The following RNF215 variants were observed in gnomAD, a reference collection of about 807,000 sequenced individuals.
RNF215 encodes ring finger protein 215.
RNF215 carries 41 observed loss-of-function variants against 44.8 expected under a neutral mutation model. The observed-to-expected ratio is 0.92, with a 90% confidence interval of 0.71 to 1.19. RNF215 has a LOEUF of 1.19. Among genes scored for constraint, RNF215 ranks in the 50% most tolerant of loss-of-function variants. The pLI, the probability that RNF215 is intolerant of heterozygous loss-of-function variation, is 0.00. For missense variants in RNF215, 452 were observed against 496.2 expected (o/e 0.91, Z 0.85); for synonymous variants, 218 against 230.1 (o/e 0.95, Z 0.48).
At chr22:30,379,970 A>G (rs2145981766) in intron 7 of RNF215, 92 bp downstream of exon 7, 1 of 1,575,298 alleles carries the variant, frequency 6.3e-7, no homozygotes, top group East Asian at 2.3e-5. Flanking sequence ...GCTGAAGGAG[A>G]AGGGCCTGGT....
chr22:30,387,080 C>T lies in RNF215; in HGVS notation c.234G>A (p.Arg78=). 6.5e-7 allele frequency: 1 copy of T among 1,540,440 alleles called. No individual in the cohort carries two copies. Among genetic ancestry groups the T allele is most frequent in the Non-Finnish European group, 8.7e-7 (1 of 1,149,134 alleles). The change falls in exon 1 of 9, where the codon AGG becomes AGA. Residue 78 remains arginine (R), a synonymous_variant. Coordinates refer to ENST00000382363, the MANE Select transcript of RNF215 (RefSeq NM_001017981.2). ...RQDALVLEGV[R]IGSEADPAPL... ...GCGCCGGGTCGGCTTCGGAGCCGAT[C>T]CTGACGCCCTCCAGGACCAGAGCGT...
At chr22:30,384,282 G>A in intron 5 of RNF215, 57 bp downstream of exon 5, 2 of 1,551,806 alleles carry the variant, frequency 1.3e-6, no homozygotes, top group Middle Eastern at 1.7e-4. Flanking sequence ...ACAAAGCCAT[G>A]TATATGGCCC....
At chr22:30,383,770 C>T (rs756790135) in intron 5 of RNF215, among the ~76,000 whole-genome samples, 3 of 152,162 alleles carry the variant, frequency 2.0e-5, no homozygotes, top group Non-Finnish European at 4.4e-5. Context: ...CCATGGACGG[C>T]CTGACCACGC....
Position 30,380,766 on chromosome 22 carries a change from C to T in RNF215, c.745-365G>A, listed in dbSNP as rs1423616621. On this transcript the variant is annotated intron_variant, in intron 5 of 8. Coordinates refer to ENST00000382363, the MANE Select transcript of RNF215 (RefSeq NM_001017981.2). This position sits in a 1 kb window ranked among gnomAD's most constrained non-coding sequence, Gnocchi z 5.3. ...GCACCCAGCCTGGGACCTGCTCACT[C>T]TCCCACCCCCATCCTCCTGCACTTC... Among the ~76,000 whole-genome samples, 1 of 152,128 alleles carries T rather than the reference C, an allele frequency of 6.6e-6. No individual in the cohort carries two copies. The highest frequency in any genetic ancestry group is 1.5e-5 in the Non-Finnish European group (1 of 68,018).
At chr22:30,381,421 A>G (rs532878311) in intron 5 of RNF215, among the ~76,000 whole-genome samples, 35 of 152,228 alleles carry the variant, frequency 2.3e-4, no homozygotes, top group Non-Finnish European at 4.1e-4. Flanking sequence ...GGGAACCACA[A>G]TGATCTTGAC....
intron 5 of RNF215, among the ~76,000 whole-genome samples, chr22:30,383,320 A>C (rs1252758224): frequency 1.3e-5 from 2 of 152,070 alleles, no homozygotes; most frequent in Non-Finnish European, 2.9e-5. Flanking sequence ...AGCCAGACCC[A>C]CCTGCAGACT....
chr22:30,382,335 C>T (rs940172263), intron 5 of RNF215, among the ~76,000 whole-genome samples: 8 of 148,098 alleles, frequency 5.4e-5, no homozygotes, highest in African/African-American at 2.0e-4. Flanking sequence ...ACCTGGGAGG[C>T]GGAGGCTGTG....
At chr22:30,385,448 A>G (rs1319784554) in intron 4 of RNF215, among the ~76,000 whole-genome samples, 1 of 147,450 alleles carries the variant, frequency 6.8e-6, no homozygotes, top group Non-Finnish European at 1.5e-5. Flanking sequence ...AAAAGTTAAC[A>G]GTTAGGCCGG....
intron 1 of RNF215, 53 bp downstream of exon 1, chr22:30,386,976 G>C: frequency 6.5e-7 from 1 of 1,529,090 alleles, no homozygotes; most frequent in Non-Finnish European, 8.7e-7. Context: ...GGTCTCTAGG[G>C]AGGGTTGAGA....
chr22:30,379,889 C>T lies in RNF215; in HGVS notation c.1009-76G>A, dbSNP rs1933499735. 1.1e-5 allele frequency: 16 copies of T among 1,508,538 alleles called. 1 individual carries two copies. The highest frequency in any genetic ancestry group is 6.9e-5 in the South Asian group (6 of 87,126). The allele number at this position is 1,508,538 out of a possible 1,614,324, so 93.4% of individuals were successfully genotyped here. A position where few individuals can be genotyped will look rare whatever the true frequency, so the allele number is the denominator to read the frequency against. The stretch of plus-strand genomic sequence containing the variant: ...TGGGGGTGCCTGGTCCCATGCCCCT[C>T]GCCTCAGCTGGGGAACTGAAACCTC... On this transcript the variant is annotated intron_variant, in intron 7 of 8. Transcript: ENST00000382363.
At chr22:30,381,209 T>C (rs2087560873) in intron 5 of RNF215, among the ~76,000 whole-genome samples, 2 of 152,178 alleles carry the variant, frequency 1.3e-5, no homozygotes, top group Admixed American at 1.3e-4. Context: ...ACACCCGCTC[T>C]ACCCAGCGTT....
chr22:30,380,370 A>C lies in RNF215; in HGVS notation c.776T>G (p.Leu259Arg). ...KPLQQLWNAI[L>R]LVAMLLCTGL... ...TGTGCACAGGAGCATGGCCACCAGC[A>C]GGATGGCGTTCCACAGCTGCTGCAG... The change falls in exon 6 of 9, where the codon CTG becomes CGG. Residue 259 changes from leucine to arginine, a missense_variant. Coordinates refer to ENST00000382363, the MANE Select transcript of RNF215 (RefSeq NM_001017981.2). The surrounding 1 kb of genome is among the most constrained non-coding windows in gnomAD (Gnocchi z 5.3). 1 of 1,609,348 alleles carries C rather than the reference A, an allele frequency of 6.2e-7. No individual in the cohort carries two copies. The highest frequency in any genetic ancestry group is 8.5e-7 in the Non-Finnish European group (1 of 1,177,176).
rs1283353593 is a variant in RNF215 at position 30,384,328 on chromosome 22, C to T, written c.744+11G>A. The T allele has an allele frequency of 2.5e-6, 4 of 1,611,534 alleles. No individual in the cohort carries two copies. The highest frequency in any genetic ancestry group is 1.7e-5 in the Admixed American group (1 of 59,934). On this transcript the variant is annotated intron_variant, in intron 5 of 8. Transcript: ENST00000382363. The stretch of plus-strand genomic sequence containing the variant: ...CTTTCCCTAGGCCCCATGTAATCTG[C>T]TAGCACCCACCTGCTCCTGGGCACG...
chr22:30,379,956 G>A (rs1601756879), intron 7 of RNF215, 106 bp downstream of exon 7: 1 of 1,557,740 alleles, frequency 6.4e-7, no homozygotes, highest in Non-Finnish European at 8.8e-7. Context: ...CTGTGGCCCT[G>A]GGGGCTGAAG....
In RNF215 at chr22:30,384,456, G is replaced by A; in HGVS notation, c.627C>T (p.Ser209=). 1 of 1,614,050 alleles carries A rather than the reference G, an allele frequency of 6.2e-7. No individual in the cohort carries two copies. The highest frequency in any genetic ancestry group is 8.5e-7 in the Non-Finnish European group (1 of 1,180,004). ...QATAEITSGE[S]LSANIEWKLT... is the part of the protein sequence containing the mutation. Reference sequence around the variant, plus strand: ...ACTTCCACTCGATATTGGCAGACAGGGACTCTCCGCTGGTGATCTCAGCCG... The same window carrying A: ...ACTTCCACTCGATATTGGCAGACAGAGACTCTCCGCTGGTGATCTCAGCCG... The change falls in exon 5 of 9, where the codon TCC becomes TCT. Residue 209 remains serine, a synonymous_variant. Transcript: ENST00000382363.
chr22:30,386,682 C>A lies in RNF215; in HGVS notation c.363G>T (p.Ala121=). The A allele has an allele frequency of 6.2e-7, 1 of 1,612,822 alleles. No homozygotes were observed. The highest frequency in any genetic ancestry group is 8.5e-7 in the Non-Finnish European group (1 of 1,180,000). ...CCTTATTCTCCTGGTGGAACTGGGCCGCCTGCTCCTTGCCCACGTATGCCA... is the reference window on the plus strand; with the variant it reads ...CCTTATTCTCCTGGTGGAACTGGGCAGCCTGCTCCTTGCCCACGTATGCCA... ...IAVAYVGKEQ[A]AQFHQENKGS... is the part of the protein sequence containing the mutation. Residue 121 remains alanine, a synonymous_variant, in exon 2 of 9, where the codon GCG becomes GCT. Coordinates refer to ENST00000382363, the MANE Select transcript of RNF215 (RefSeq NM_001017981.2).
intron 5 of RNF215, among the ~76,000 whole-genome samples, chr22:30,382,404 C>CA (rs796940204): frequency 0.011 from 732 of 65,546 alleles, 3 homozygotes; most frequent in Middle Eastern, 0.048. Flanking sequence ...AACTCTGTCT[C>CA]AAAAAAAAAA....
rs775158484 is a variant in RNF215, at chr22:30,380,298, C to G, written c.848G>C (p.Arg283Pro). The G allele has an allele frequency of 8.7e-6, 14 of 1,610,910 alleles. No individual in the cohort carries two copies. The highest frequency in any genetic ancestry group is 1.2e-5 in the Non-Finnish European group (14 of 1,178,478). ...GGCTCCCACCTGGCCTCCGAGCTCC[C>G]GCTGGCTCTGCCGCGACGCCTGCCG... Reference protein sequence around the residue: ...AQRQASRQSQRELGGQVDLFK... With the variant: ...AQRQASRQSQPELGGQVDLFK... Residue 283 changes from arginine to proline, a missense_variant, in exon 6 of 9, where the codon CGG becomes CCG. Transcript: ENST00000382363. This position sits in a 1 kb window ranked among gnomAD's most constrained non-coding sequence, Gnocchi z 5.3.
At chr22:30,379,990 T>G (rs1933501730) in intron 7 of RNF215, 72 bp downstream of exon 7, 10 of 1,596,626 alleles carry the variant, frequency 6.3e-6, no homozygotes, top group Non-Finnish European at 8.6e-6. Context: ...TGGTGGTGGT[T>G]CCAAGGTCCC....
Sources: allele counts gnomAD v4.1 joint callset (sites outside exome capture counted in the v4.1 genomes callset), GRCh38; gene constraint gnomAD v4.1.1; non-coding constraint Gnocchi (gnomAD v3.1); transcripts MANE v1.5; gene names NCBI Gene and HGNC (gene_info 2026-07-23, HGNC 2026-07-21).